KCNAB2: variants seen among roughly 807,000 people sequenced by gnomAD.
KCNAB2 encodes voltage-gated potassium channel subunit beta-2.
Under a neutral mutation model 63.6 loss-of-function variants are expected in KCNAB2, and 29 were observed. The ratio of observed to expected loss-of-function variants is 0.46; its 90% CI spans 0.34 to 0.62. The LOEUF (loss-of-function observed/expected upper bound fraction) is 0.62. Among genes scored for constraint, KCNAB2 ranks in the 20% least tolerant of loss-of-function variants. The probability of loss-of-function intolerance (pLI) is 0.01; values close to 1 mark genes in which losing one functional copy is unlikely to be tolerated. For synonymous variants in KCNAB2, 222 were observed against 224.2 expected (o/e 0.99, Z 0.09); for missense variants, 359 against 563.9 (o/e 0.64, Z 3.68).
intron 2 of KCNAB2, among the ~76,000 whole-genome samples, chr1:6,063,326 A>G (rs528571464): frequency 6.6e-6 from 1 of 151,658 alleles, no homozygotes; most frequent in East Asian, 2.0e-4. Flanking sequence ...GATATTTCAT[A>G]TGAATGGAAT....
Position 5,994,321 on chromosome 1 carries a change from G to A in KCNAB2, c.-53+1533G>A, listed in dbSNP as rs893475643. Among the ~76,000 whole-genome samples, 4 of 152,218 alleles carry A rather than the reference G, an allele frequency of 2.6e-5. No homozygotes were observed. Among genetic ancestry groups the A allele is most frequent in the African/African-American group, 4.8e-5 (2 of 41,450 alleles). ...AGTCACATCTGCCCACCTGATTCTC[G>A]CCTGGCGGCCGTGTCTGCTGCAGAG... On this transcript the variant is annotated intron_variant, in intron 1 of 16. Transcript: ENST00000341524. This position sits in a 1 kb window ranked among gnomAD's most constrained non-coding sequence, Gnocchi z 5.4.
chr1:6,033,180 AAAGT>A (rs1659754558), upstream of KCNAB2, among the ~76,000 whole-genome samples: 1 of 151,986 alleles, frequency 6.6e-6, no homozygotes, highest in Non-Finnish European at 1.5e-5. Flanking sequence ...AGTTCAGAGA[AAAGT>A]GTGTGTGTGC....
At chr1:6,053,487 G>A (rs1009781499) in intron 2 of KCNAB2, among the ~76,000 whole-genome samples, 10 of 152,160 alleles carry the variant, frequency 6.6e-5, no homozygotes, top group Admixed American at 3.3e-4. Context: ...GACCAGGGAG[G>A]CCGAGGGGGA....
At chr1:6,025,673 A>C (rs946574604) in intron 1 of KCNAB2, among the ~76,000 whole-genome samples, 4 of 152,350 alleles carry the variant, frequency 2.6e-5, no homozygotes, top group Admixed American at 2.0e-4. Context: ...TGGGCTTCTC[A>C]GCAGTGCACA....
chr1:6,092,098 G>A (rs565974482), intron 10 of KCNAB2, among the ~76,000 whole-genome samples: 4 of 152,354 alleles, frequency 2.6e-5, no homozygotes, highest in South Asian at 2.1e-4. Flanking sequence ...TTTGTGATGC[G>A]GCAGGAGATG....
chr1:6,054,950 G>A (rs1482241338), intron 2 of KCNAB2, among the ~76,000 whole-genome samples: 3 of 152,084 alleles, frequency 2.0e-5, no homozygotes, highest in African/African-American at 7.2e-5. Context: ...GGAAAGTTGG[G>A]GTTTTCCTTT....
At chr1:6,085,963 T>C (rs531444097) in intron 6 of KCNAB2, 678 of 985,370 alleles carry the variant, frequency 6.9e-4, no homozygotes, top group Non-Finnish European at 7.9e-4. Context: ...AGGTCGCAGA[T>C]CGGGGGCCAT....
chr1:6,061,441 T>C (rs1166413703), intron 2 of KCNAB2, among the ~76,000 whole-genome samples: 1 of 152,164 alleles, frequency 6.6e-6, no homozygotes, highest in African/African-American at 2.4e-5. Flanking sequence ...GCTTCCCTTG[T>C]CTGGACGATG....
rs114321587 is a variant in KCNAB2, at chr1:6,093,485, A to G, written c.647-915A>G. ...TCAAAGCCATGTTTGAATATTGGGA[A>G]GAATCCACTGTGTCGCTGGGGCGAG... On this transcript the variant is annotated intron_variant, in intron 10 of 15. Coordinates refer to ENST00000378083, the MANE Select transcript of KCNAB2 (RefSeq NM_001199862.2). Among the ~76,000 whole-genome samples the G allele has an allele frequency of 5.4e-3, 829 of 152,390 alleles. 6 individuals carry two copies. The highest frequency in any genetic ancestry group is 0.018 in the African/African-American group (763 of 41,598).
rs1015518188 is a variant in KCNAB2 at position 5,994,761 on chromosome 1, G to A, written c.-53+1973G>A. On this transcript the variant is annotated intron_variant, in intron 1 of 16. Coordinates refer to the KCNAB2 transcript ENST00000341524. The surrounding 1 kb of genome is among the most constrained non-coding windows in gnomAD (Gnocchi z 5.4). ...CGTGGGCCATGGCGCTAGAGAGCTG[G>A]AAAGGCCGAGGGTGCCATGGGCTGG... Among the ~76,000 whole-genome samples the A allele has an allele frequency of 6.6e-6, 1 of 152,194 alleles. No individual in the cohort carries two copies. The highest frequency in any genetic ancestry group is 1.5e-5 in the Non-Finnish European group (1 of 68,034).
In KCNAB2 at chr1:6,046,501, G is replaced by A. The variant is rs150378675; in HGVS notation, c.-27+318G>A. 1.3e-3 allele frequency among the ~76,000 whole-genome samples: 193 copies of A among 152,332 alleles called. 1 individual carries two copies. Among genetic ancestry groups the A allele is most frequent in the African/African-American group, 4.1e-3 (171 of 41,580 alleles). On this transcript the variant is annotated intron_variant, in intron 1 of 15. Coordinates refer to ENST00000378083, the MANE Select transcript of KCNAB2 (RefSeq NM_001199862.2). ...TGCCGGAGACACGGGCGTCTAGCTC[G>A]TACCTCGCTGTGTTCACCATTGATT... is the stretch of plus-strand genomic sequence containing the variant.
chr1:6,022,502 T>A (rs985133934), intron 1 of KCNAB2, among the ~76,000 whole-genome samples: 1 of 152,038 alleles, frequency 6.6e-6, no homozygotes, highest in Non-Finnish European at 1.5e-5. Flanking sequence ...TGGTATTGAG[T>A]GTACAGTTCA....
intron 1 of KCNAB2, among the ~76,000 whole-genome samples, chr1:5,996,555 A>T (rs112023001): frequency 6.6e-6 from 1 of 152,222 alleles, no homozygotes; most frequent in African/African-American, 2.4e-5. Flanking sequence ...GAGCAACCCC[A>T]TGCCCACCCT....
At chr1:6,022,792 C>T (rs1220044575) in intron 1 of KCNAB2, among the ~76,000 whole-genome samples, 8 of 151,908 alleles carry the variant, frequency 5.3e-5, no homozygotes. Flanking sequence ...TCTCGAGACT[C>T]ATCCGTGTTG....
At chr1:6,055,395 G>T (rs543561759) in intron 2 of KCNAB2, among the ~76,000 whole-genome samples, 1 of 133,700 alleles carries the variant, frequency 7.5e-6, no homozygotes, top group Non-Finnish European at 1.5e-5. Context: ...TCGCTGTATC[G>T]CCCAGGCTAC....
At position 6,046,133 on chromosome 1, in the gene KCNAB2, A is replaced by G. The variant is rs901287292; in HGVS notation, c.-77A>G. Reference sequence around the variant, plus strand: ...ATCCTTAGAGTGTCTGGTGATCCCTAATAAACCAGACTGTGGCCTTTTTAA... The same window carrying G: ...ATCCTTAGAGTGTCTGGTGATCCCTGATAAACCAGACTGTGGCCTTTTTAA... On this transcript the variant is annotated 5_prime_UTR_variant, in exon 1 of 16. The change abolishes the stop of an existing upstream ORF in the 5' untranslated region. Transcript: ENST00000378083. 6 of 985,380 alleles carry G rather than the reference A, an allele frequency of 6.1e-6. No homozygotes were observed. Among genetic ancestry groups the G allele is most frequent in the Non-Finnish European group, 7.2e-6 (6 of 829,904 alleles). 61.0% of individuals were successfully genotyped at this position (985,380 alleles called of 1,614,324 possible).
At chr1:6,021,236 G>A (rs961896113) in intron 1 of KCNAB2, among the ~76,000 whole-genome samples, 7 of 152,022 alleles carry the variant, frequency 4.6e-5, no homozygotes, top group South Asian at 2.1e-4. Flanking sequence ...GGGCTCAAGC[G>A]ATCCACCCAC....
chr1:6,058,892 G>A (rs1662072381), intron 2 of KCNAB2, among the ~76,000 whole-genome samples: 1 of 152,158 alleles, frequency 6.6e-6, no homozygotes, highest in Non-Finnish European at 1.5e-5. Context: ...GCTTGGGTCG[G>A]GGCTGGGAGG....
At chr1:6,058,357 A>G (rs1006940568) in intron 2 of KCNAB2, among the ~76,000 whole-genome samples, 2 of 152,214 alleles carry the variant, frequency 1.3e-5, no homozygotes, top group African/African-American at 4.8e-5. Flanking sequence ...CAACACCTTG[A>G]GCCTGCGGGG....
Sources: allele counts gnomAD v4.1 joint callset (sites outside exome capture counted in the v4.1 genomes callset), GRCh38; gene constraint gnomAD v4.1.1; non-coding constraint Gnocchi (gnomAD v3.1); transcripts MANE v1.5; gene names NCBI Gene and HGNC (gene_info 2026-07-23, HGNC 2026-07-21).